The following RASEF variants were observed in gnomAD, a reference collection of about 807,000 sequenced individuals.
The protein encoded by RASEF is ras and EF-hand domain-containing protein.
A neutral mutation model predicts 90.1 loss-of-function variants in RASEF; 68 were observed. The observed-to-expected ratio is 0.75, with a 90% CI of 0.62 to 0.92. The LOEUF is 0.92. RASEF is among the 40% of genes least tolerant of loss of function. The probability of loss-of-function intolerance (pLI) is 0.00; values close to 1 mark genes in which losing one functional copy is unlikely to be tolerated. For missense variants in RASEF, 949 were observed against 937.2 expected, an observed-to-expected ratio of 1.01 and a Z score of -0.16; for synonymous variants, 331 against 345.2, an observed-to-expected ratio of 0.96 and a Z score of 0.46.
the RASEF span, among the ~76,000 whole-genome samples, chr9:83,207,840 T>G: frequency 6.6e-6 from 1 of 152,104 alleles, no homozygotes; most frequent in African/African-American, 2.4e-5. Context: ...ACTTCTGACC[T>G]CATGATCCAC....
chr9:83,186,374 C>T, the RASEF span, among the ~76,000 whole-genome samples: 1 of 152,142 alleles, frequency 6.6e-6, no homozygotes, highest in Non-Finnish European at 1.5e-5. Context: ...TTGATCTTTC[C>T]AAACAGCCAC....
chr9:83,113,269 CTAATAATACTCTTA>C, the RASEF span, among the ~76,000 whole-genome samples: 1 of 152,162 alleles, frequency 6.6e-6, no homozygotes, highest in South Asian at 2.1e-4. Context: ...TATCACTTCC[CTAATAATACTCTTA>C]TAATTTCTTA....
At chr9:83,166,568 G>A in the RASEF span, among the ~76,000 whole-genome samples, 1 of 152,186 alleles carries the variant, frequency 6.6e-6, no homozygotes, top group Non-Finnish European at 1.5e-5. Context: ...CAGCCGGGGT[G>A]TAAAATAACA....
At chr9:83,028,997 C>G (rs999127409) in intron 1 of RASEF, among the ~76,000 whole-genome samples, 1 of 152,122 alleles carries the variant, frequency 6.6e-6, no homozygotes, top group African/African-American at 2.4e-5. Context: ...AGAAACCAAC[C>G]CTGCTGATAC....
the RASEF span, among the ~76,000 whole-genome samples, chr9:83,078,128 A>G: frequency 4.6e-5 from 7 of 152,236 alleles, no homozygotes; most frequent in South Asian, 1.0e-3. Context: ...TGAATCAGTA[A>G]CTCGGGTGTG....
At chr9:83,009,790 C>T (rs767049463) in intron 5 of RASEF, 34 bp from the exon 6 acceptor site, 1 of 1,337,778 alleles carries the variant, frequency 7.5e-7, no homozygotes, top group East Asian at 2.3e-5. Context: ...TCATTAGATT[C>T]AGATTTTCCT....
At position 83,005,010 on chromosome 9, in the gene RASEF, G is replaced by A. The variant is rs145550763; in HGVS notation, c.1113+406C>T. 7.6e-4 allele frequency among the ~76,000 whole-genome samples: 115 copies of A among 152,282 alleles called. 1 individual carries two copies. The highest frequency in any genetic ancestry group is 2.6e-3 in the African/African-American group (106 of 41,568). On this transcript the variant is annotated intron_variant, in intron 8 of 16. Transcript: ENST00000376447. ...CCAAAAGTGGGATAAGAGGTCTTAT[G>A]ACAAATGCAGTCTGGGAGAGGTCCT...
At chr9:83,131,455 G>C in the RASEF span, among the ~76,000 whole-genome samples, 2 of 152,152 alleles carry the variant, frequency 1.3e-5, no homozygotes, top group Non-Finnish European at 2.9e-5. Flanking sequence ...TTCAACATAT[G>C]AAAGCTAGAG....
intron 1 of RASEF, 64 bp downstream of exon 1, chr9:83,062,373 G>A (rs1830222589): frequency 1.9e-6 from 3 of 1,543,774 alleles, no homozygotes; most frequent in South Asian, 2.3e-5. Flanking sequence ...ACACCTGCAA[G>A]TAAGTGGGAA....
chr9:83,097,850 C>T, the RASEF span, among the ~76,000 whole-genome samples: 1,233 of 152,244 alleles, frequency 8.1e-3, 17 homozygotes, highest in African/African-American at 0.028. Context: ...TTGTCATCGT[C>T]GTCATCGTCA....
At chr9:83,173,239 G>C in the RASEF span, among the ~76,000 whole-genome samples, 1 of 151,642 alleles carries the variant, frequency 6.6e-6, no homozygotes. Flanking sequence ...ATTTGGGTTG[G>C]ATCTGATTGG....
chr9:83,105,758 C>T, the RASEF span, among the ~76,000 whole-genome samples: 4 of 152,152 alleles, frequency 2.6e-5, no homozygotes, highest in African/African-American at 9.7e-5. Context: ...CAACTAATGC[C>T]AAGTGGGCAT....
the RASEF span, among the ~76,000 whole-genome samples, chr9:83,124,456 A>G: frequency 2.0e-5 from 3 of 152,340 alleles, no homozygotes; most frequent in South Asian, 6.2e-4. Flanking sequence ...ATAAATGAGA[A>G]TATCTGTGAA....
chr9:83,055,585 A>C, intron 1 of RASEF: 3 of 711,590 alleles, frequency 4.2e-6, no homozygotes, highest in Non-Finnish European at 7.8e-6. Flanking sequence ...GATTGTCCAA[A>C]GTGTTTCTCT....
At chr9:83,164,310 C>T in the RASEF span, among the ~76,000 whole-genome samples, 13 of 135,672 alleles carry the variant, frequency 9.6e-5, no homozygotes, top group Admixed American at 5.4e-4. Flanking sequence ...AAAATAATAG[C>T]GACAACGTAT....
chr9:83,000,046 T>C (rs562223063), intron 12 of RASEF, 123 bp downstream of exon 12: 1 of 760,596 alleles, frequency 1.3e-6, no homozygotes, highest in Non-Finnish European at 2.2e-6. Flanking sequence ...CATTTATATA[T>C]GTGTGCATAC....
chr9:83,056,735 G>A (rs1294982070), intron 1 of RASEF, among the ~76,000 whole-genome samples: 1 of 152,248 alleles, frequency 6.6e-6, no homozygotes, highest in Non-Finnish European at 1.5e-5. Context: ...AGAAGAGTCT[G>A]TAGTTCTGGG....
At chr9:83,044,013 T>TGA (rs938038493) in intron 1 of RASEF, among the ~76,000 whole-genome samples, 1 of 152,162 alleles carries the variant, frequency 6.6e-6, no homozygotes, top group African/African-American at 2.4e-5. Flanking sequence ...GACCTATACC[T>TGA]GATGGAATAC....
chr9:83,133,259 TG>T, the RASEF span, among the ~76,000 whole-genome samples: 1 of 152,176 alleles, frequency 6.6e-6, no homozygotes, highest in Non-Finnish European at 1.5e-5. Flanking sequence ...CAGAAACTCC[TG>T]GAAGACCAAG....
Sources: gnomAD v4.1 joint callset for allele counts (sites outside exome capture counted in the v4.1 genomes callset) on GRCh38, gnomAD v4.1.1 for gene constraint, MANE v1.5 for transcripts, NCBI Gene and HGNC (gene_info 2026-07-23, HGNC 2026-07-21) for gene names.